Variants in ABCG2 observed in about 807,000 individuals in gnomAD.
ABCG2 encodes broad substrate specificity ATP-binding cassette transporter ABCG2.
ABCG2 carries 80 observed loss-of-function variants against 73.5 expected under a neutral mutation model. The ratio of observed to expected loss-of-function variants is 1.09; its 90% CI spans 0.91 to 1.31. The LOEUF (loss-of-function observed/expected upper bound fraction) is 1.31, where lower values mean the gene tolerates loss of function less well. Among genes scored for constraint, ABCG2 ranks in the 50% most tolerant of loss-of-function variants. The probability of loss-of-function intolerance (pLI) is 0.00; values close to 1 mark genes in which losing one functional copy is unlikely to be tolerated. For synonymous variants in ABCG2, 269 were observed against 282.4 expected (o/e 0.95, Z 0.48); for missense variants, 796 against 786.2 (o/e 1.01, Z -0.15).
intron 1 of ABCG2, among the ~76,000 whole-genome samples, chr4:88,230,815 C>T (rs563146025): frequency 6.6e-6 from 1 of 152,258 alleles, no homozygotes; most frequent in African/African-American, 2.4e-5. Context: ...GAGGCCCACC[C>T]CAGGCCCCCT....
At chr4:88,120,085 C>G (rs936071777) in intron 6 of ABCG2, among the ~76,000 whole-genome samples, 31 of 152,282 alleles carry the variant, frequency 2.0e-4, no homozygotes, top group African/African-American at 7.5e-4. Context: ...TTTGTACAGT[C>G]TCGAGACTTG....
At chr4:88,133,870 T>TGC (rs996467635) in intron 2 of ABCG2, among the ~76,000 whole-genome samples, 15 of 151,952 alleles carry the variant, frequency 9.9e-5, no homozygotes, top group Admixed American at 5.2e-4. Flanking sequence ...CGGTGGTGGG[T>TGC]GCCTGCAATC....
chr4:88,187,093 CAAAAAAAAAAAA>C (rs61116461), intron 1 of ABCG2, among the ~76,000 whole-genome samples: 6 of 45,202 alleles, frequency 1.3e-4, no homozygotes, highest in African/African-American at 4.8e-4. Flanking sequence ...GATTCTGTCT[CAAAAAAAAAAAA>C]AAAAAAAAAA....
At chr4:88,207,036 C>A (rs1729407600) in intron 1 of ABCG2, among the ~76,000 whole-genome samples, 1 of 152,178 alleles carries the variant, frequency 6.6e-6, no homozygotes, top group South Asian at 2.1e-4. Flanking sequence ...CTCAGGTGAT[C>A]CACCCGCCTT....
chr4:88,194,664 A>C (rs1308253795), intron 1 of ABCG2, among the ~76,000 whole-genome samples: 1 of 151,792 alleles, frequency 6.6e-6, no homozygotes, highest in Non-Finnish European at 1.5e-5. Context: ...TGAAATAAAT[A>C]AATGTCTATT....
chr4:88,114,016 T>TA (rs1723345238), intron 8 of ABCG2, among the ~76,000 whole-genome samples: 1 of 150,442 alleles, frequency 6.6e-6, no homozygotes, highest in Admixed American at 6.6e-5. Context: ...TAGAAAAGTA[T>TA]AACAGGCCAG....
chr4:88,154,132 T>C (rs868599413), intron 1 of ABCG2, among the ~76,000 whole-genome samples: 1 of 152,110 alleles, frequency 6.6e-6, no homozygotes, highest in Non-Finnish European at 1.5e-5. Flanking sequence ...GAGTGACCAA[T>C]GCGAAGAAGA....
intron 9 of ABCG2, among the ~76,000 whole-genome samples, chr4:88,111,321 T>C (rs1461206180): frequency 6.6e-6 from 1 of 152,246 alleles, no homozygotes; most frequent in African/African-American, 2.4e-5. Context: ...ATCAAATCTA[T>C]GCTCAAAGAA....
chr4:88,189,611 G>GAATTT (rs1728602567), intron 1 of ABCG2, among the ~76,000 whole-genome samples: 1 of 152,098 alleles, frequency 6.6e-6, no homozygotes, highest in Non-Finnish European at 1.5e-5. Flanking sequence ...CTATTTTGCT[G>GAATTT]AATTTATTTA....
intron 1 of ABCG2, among the ~76,000 whole-genome samples, chr4:88,172,951 G>A (rs1405122333): frequency 6.6e-6 from 1 of 152,140 alleles, no homozygotes; most frequent in East Asian, 1.9e-4. Context: ...GGCACACAGG[G>A]ACTTTGAAGG....
intron 15 of ABCG2, among the ~76,000 whole-genome samples, chr4:88,093,534 T>C (rs901972142): frequency 1.7e-4 from 25 of 148,870 alleles, no homozygotes; most frequent in African/African-American, 5.9e-4. Context: ...AGGAATATCT[T>C]CCTCCTTTGT....
chr4:88,170,586 A>G (rs1727719396), intron 1 of ABCG2, among the ~76,000 whole-genome samples: 1 of 152,236 alleles, frequency 6.6e-6, no homozygotes, highest in African/African-American at 2.4e-5. Flanking sequence ...GCCACCTGGC[A>G]CCTACTAGCC....
intron 9 of ABCG2, among the ~76,000 whole-genome samples, chr4:88,108,419 C>T (rs1237068374): frequency 1.3e-5 from 2 of 151,978 alleles, no homozygotes; most frequent in African/African-American, 4.8e-5. Flanking sequence ...GTAGTCCCAG[C>T]TACTCGGGAG....
chr4:88,113,679 T>G, intron 8 of ABCG2, 126 bp from the exon 9 acceptor site: 1 of 1,274,296 alleles, frequency 7.8e-7, no homozygotes, highest in South Asian at 1.5e-5. Context: ...AAAGAAAAAA[T>G]AGGCCAGGCA....
intron 1 of ABCG2, among the ~76,000 whole-genome samples, chr4:88,221,840 T>C (rs1431674094): frequency 1.3e-5 from 2 of 152,166 alleles, no homozygotes; most frequent in African/African-American, 4.8e-5. Flanking sequence ...GATGATGCAA[T>C]AGAAAAGAAA....
intron 1 of ABCG2, among the ~76,000 whole-genome samples, chr4:88,193,812 T>C (rs1728803683): frequency 6.6e-6 from 1 of 152,222 alleles, no homozygotes; most frequent in Non-Finnish European, 1.5e-5. Flanking sequence ...TGGCATGATC[T>C]TGGCTCACTG....
At chr4:88,186,695 G>A (rs574830618) in intron 1 of ABCG2, among the ~76,000 whole-genome samples, 69 of 151,506 alleles carry the variant, frequency 4.6e-4, no homozygotes, top group Non-Finnish European at 7.2e-4. Flanking sequence ...CGAGGCGGGC[G>A]GATCACGAGG....
chr4:88,128,008 G>A lies in ABCG2; in HGVS notation c.531+3053C>T, dbSNP rs1442455087. Among the ~76,000 whole-genome samples the A allele has an allele frequency of 5.4e-5, 8 of 149,294 alleles. No homozygotes were observed. In the East Asian group the frequency reaches 1.6e-3, roughly 29 times the overall value. ...TGAACAGGCAACCTACAGAATGGGA[G>A]AAAAATTTTGCAATCTATCTGACAA... On this transcript the variant is annotated intron_variant, in intron 5 of 15. Coordinates refer to ENST00000237612, the MANE Select transcript of ABCG2 (RefSeq NM_004827.3).
intron 9 of ABCG2, among the ~76,000 whole-genome samples, chr4:88,111,220 T>C (rs991963965): frequency 1.4e-5 from 2 of 140,624 alleles, no homozygotes; most frequent in Admixed American, 7.4e-5. Context: ...ATCTAATGCA[T>C]ACATCACACT....
Sources: allele counts gnomAD v4.1 joint callset (sites outside exome capture counted in the v4.1 genomes callset), GRCh38; gene constraint gnomAD v4.1.1; transcripts MANE v1.5; gene names NCBI Gene and HGNC (gene_info 2026-07-23, HGNC 2026-07-21).